The following NEDD4L variants were observed in gnomAD, a reference collection of about 807,000 sequenced individuals.
NEDD4L encodes NEDD4 like E3 ubiquitin protein ligase, also known as E3 ubiquitin-protein ligase NEDD4-like.
In NEDD4L, 54 loss-of-function variants were observed where a neutral mutation model predicts 148.9. That is an observed-to-expected ratio of 0.36 (90% CI 0.29 to 0.45). The LOEUF (loss-of-function observed/expected upper bound fraction) is 0.45, where lower values mean the gene tolerates loss of function less well. Ranked by LOEUF, NEDD4L falls within the 20% of genes least tolerant of loss-of-function variation. The pLI is 1.00. For synonymous variants in NEDD4L, 433 were observed against 440.7 expected (o/e 0.98, Z 0.22); for missense variants, 856 against 1,233.8 (o/e 0.69, Z 4.59).
chr18:58,257,372 G>C (rs747751308), intron 5 of NEDD4L, among the ~76,000 whole-genome samples: 2 of 152,010 alleles, frequency 1.3e-5, no homozygotes, highest in Non-Finnish European at 2.9e-5. Flanking sequence ...AATACTGAAC[G>C]AGAGTAGTGT....
intron 2 of NEDD4L, among the ~76,000 whole-genome samples, chr18:58,173,353 G>A (rs1016268234): frequency 1.3e-5 from 2 of 152,308 alleles, no homozygotes; most frequent in Non-Finnish European, 2.9e-5. Context: ...CATAAAGAAG[G>A]TTGCAAGACA....
chr18:58,153,988 A>G (rs1049534672), intron 1 of NEDD4L, among the ~76,000 whole-genome samples: 1 of 152,262 alleles, frequency 6.6e-6, no homozygotes, highest in African/African-American at 2.4e-5. Context: ...AAACATTGTT[A>G]CAAAAACCAA....
At chr18:58,280,016 A>G (rs2052763324) in intron 5 of NEDD4L, among the ~76,000 whole-genome samples, 1 of 152,174 alleles carries the variant, frequency 6.6e-6, no homozygotes, top group South Asian at 2.1e-4. Flanking sequence ...CAAACCATCT[A>G]GTTTATAAGC....
intron 5 of NEDD4L, among the ~76,000 whole-genome samples, chr18:58,284,573 A>AGTTCTG (rs11280693): frequency 1.3e-5 from 2 of 151,466 alleles, no homozygotes; most frequent in Admixed American, 1.3e-4. Context: ...TACGAATAGA[A>AGTTCTG]GTAACTTCTG....
intron 23 of NEDD4L, chr18:58,371,920 T>C (rs1434462369): frequency 6.6e-6 from 1 of 152,164 alleles, no homozygotes; most frequent in Non-Finnish European, 1.5e-5. Context: ...TTTACCCTCT[T>C]CACAGCCCGT....
At chr18:58,050,732 G>A in intron 1 of NEDD4L, among the ~76,000 whole-genome samples, 1 of 152,202 alleles carries the variant, frequency 6.6e-6, no homozygotes. Flanking sequence ...TTGTGCTCCA[G>A]CCTGGGCAAC....
intron 2 of NEDD4L, among the ~76,000 whole-genome samples, chr18:58,168,099 G>C (rs2037099973): frequency 6.6e-6 from 1 of 152,158 alleles, no homozygotes; most frequent in Non-Finnish European, 1.5e-5. Context: ...GAATATTCGT[G>C]ATATTAATTA....
intron 16 of NEDD4L, among the ~76,000 whole-genome samples, chr18:58,348,349 T>TTTTTTTTTTTTTTTG (rs2043398056): frequency 8.8e-6 from 1 of 113,592 alleles, no homozygotes; most frequent in South Asian, 2.9e-4. Context: ...TTTTTTTTTT[T>TTTTTTTTTTTTTTTG]GAGACGGAGT....
chr18:58,391,853 A>G (rs969403585), intron 30 of NEDD4L, among the ~76,000 whole-genome samples: 1 of 152,242 alleles, frequency 6.6e-6, no homozygotes, highest in African/African-American at 2.4e-5. Context: ...TTCAGCATAC[A>G]TAGATAAGGC....
intron 1 of NEDD4L, among the ~76,000 whole-genome samples, chr18:58,165,349 T>C (rs2036714532): frequency 6.6e-6 from 1 of 152,234 alleles, no homozygotes; most frequent in African/African-American, 2.4e-5. Context: ...AATTTTGAAA[T>C]GTTTTACCAC....
At chr18:58,271,101 T>G (rs1286429469) in intron 5 of NEDD4L, among the ~76,000 whole-genome samples, 2 of 90,686 alleles carry the variant, frequency 2.2e-5, no homozygotes, top group Non-Finnish European at 4.7e-5. Context: ...ATTATTATTG[T>G]TTTTTTCCCT....
chr18:58,358,594 A>G (rs185273273), intron 19 of NEDD4L, among the ~76,000 whole-genome samples: 1 of 152,096 alleles, frequency 6.6e-6, no homozygotes, highest in East Asian at 1.9e-4. Context: ...GCTCAGCATC[A>G]TAAAGCCAAG....
At chr18:58,294,563 T>G (rs1339000610) in intron 5 of NEDD4L, among the ~76,000 whole-genome samples, 7 of 152,262 alleles carry the variant, frequency 4.6e-5, no homozygotes. Context: ...TGTTTTTCTG[T>G]GACATTCTCA....
intron 20 of NEDD4L, among the ~76,000 whole-genome samples, chr18:58,364,657 T>TTATG (rs1204850817): frequency 6.6e-6 from 1 of 152,186 alleles, no homozygotes; most frequent in African/African-American, 2.4e-5. Context: ...GCCTATTCAA[T>TTATG]TATGCGCAGT....
At chr18:58,167,320 G>A (rs1204810985) in intron 2 of NEDD4L, among the ~76,000 whole-genome samples, 2 of 152,182 alleles carry the variant, frequency 1.3e-5, no homozygotes, top group Non-Finnish European at 2.9e-5. Context: ...ATGGGCAGAA[G>A]GATCCCTGCT....
At position 58,195,633 on chromosome 18, in the gene NEDD4L, T is replaced by TCGCCG. The variant is rs1555729198; in HGVS notation, c.122+29774_122+29778dup. Reference sequence around the variant, plus strand: ...AGCTGGCGGAGACCAGGATTTCTCCTCGCCGCCGTTGCTGTTGTTAGGGGA... The same window carrying TCGCCG: ...AGCTGGCGGAGACCAGGATTTCTCCTCGCCGCGCCGCCGTTGCTGTTGTTAGGGGA... On this transcript the variant is annotated intron_variant, in intron 2 of 30. Transcript: ENST00000400345. 2.2e-6 allele frequency: 3 copies of TCGCCG among 1,349,892 alleles called. No homozygotes were observed. The South Asian group carries it at 3.4e-5, about 15-fold the overall frequency. The allele number at this position is 1,349,892 out of a possible 1,614,324, so 83.6% of individuals were successfully genotyped here.
intron 1 of NEDD4L, among the ~76,000 whole-genome samples, chr18:58,073,100 A>G (rs2144936992): frequency 6.6e-6 from 1 of 152,324 alleles, no homozygotes; most frequent in African/African-American, 2.4e-5. Flanking sequence ...GAAGACCTAA[A>G]AAACAAAAGA....
intron 5 of NEDD4L, among the ~76,000 whole-genome samples, chr18:58,287,183 G>A (rs1471660114): frequency 6.6e-6 from 1 of 151,466 alleles, no homozygotes; most frequent in East Asian, 1.9e-4. Context: ...TCCTGCTAAG[G>A]AGCTAAAAGG....
At chr18:58,093,572 A>G (rs769554840) in intron 1 of NEDD4L, among the ~76,000 whole-genome samples, 2 of 152,152 alleles carry the variant, frequency 1.3e-5, no homozygotes, top group Admixed American at 1.3e-4. Context: ...TCAATTCACT[A>G]CTGTGCGCAT....
Sources: allele counts gnomAD v4.1 joint callset (sites outside exome capture counted in the v4.1 genomes callset), GRCh38; gene constraint gnomAD v4.1.1; transcripts MANE v1.5; gene names NCBI Gene and HGNC (gene_info 2026-07-23, HGNC 2026-07-21).